PHF11: variants seen among roughly 807,000 people sequenced by gnomAD.
The protein encoded by PHF11 is PHD finger protein 11, also known as BRCA1 C-terminus-associated protein.
PHF11 carries 38 observed loss-of-function variants against 40.5 expected under a neutral mutation model. The observed-to-expected ratio is 0.94, with a 90% CI of 0.72 to 1.23. The LOEUF is 1.23. PHF11 is among the 50% of genes most tolerant of loss of function. The pLI is 0.00. For synonymous variants in PHF11, 127 were observed against 138.2 expected, an observed-to-expected ratio of 0.92 and a Z score of 0.57; for missense variants, 369 against 392.4, an observed-to-expected ratio of 0.94 and a Z score of 0.50.
chr13:49,498,763 C>T (rs187203045), intron 1 of PHF11, among the ~76,000 whole-genome samples: 2 of 152,278 alleles, frequency 1.3e-5, no homozygotes, highest in African/African-American at 2.4e-5. Flanking sequence ...GTGAAAGACC[C>T]TGAGGGTAAG....
chr13:49,511,663 G>A (rs1232725808), intron 2 of PHF11, among the ~76,000 whole-genome samples: 1 of 152,106 alleles, frequency 6.6e-6, no homozygotes, highest in Non-Finnish European at 1.5e-5. Context: ...TATAGAACTT[G>A]GGGTTAGGCA....
In PHF11 at chr13:49,524,149, T is replaced by C; in HGVS notation, c.702T>C (p.Leu234=). The change falls in exon 8 of 10, where the codon CTT becomes CTC. Residue 234 remains leucine, a synonymous_variant. Transcript: ENST00000378319. ...CKEAGLLNYL[L]EEILDKVHSI... is the part of the protein sequence containing the mutation. Reference sequence around the variant, plus strand: ...AAGCAGGACTTCTTAATTACTTACTTGAAGAAATATTAGACAAAGTTCATT... The same window carrying C: ...AAGCAGGACTTCTTAATTACTTACTCGAAGAAATATTAGACAAAGTTCATT... 1 of 1,606,276 alleles carries C rather than the reference T, an allele frequency of 6.2e-7. No individual in the cohort carries two copies. The highest frequency in any genetic ancestry group is 8.5e-7 in the Non-Finnish European group (1 of 1,173,506).
intron 1 of PHF11, among the ~76,000 whole-genome samples, chr13:49,502,554 A>G (rs2139032607): frequency 6.6e-6 from 1 of 152,230 alleles, no homozygotes; most frequent in Non-Finnish European, 1.5e-5. Flanking sequence ...AATTCAACAG[A>G]AAAATGGGCT....
intron 2 of PHF11, among the ~76,000 whole-genome samples, chr13:49,510,405 T>C (rs775582531): frequency 5.7e-4 from 87 of 152,234 alleles, no homozygotes; most frequent in Admixed American, 1.4e-3. Context: ...CATTTTATTC[T>C]GTTAGTAATG....
chr13:49,497,835 C>T (rs1418109355), intron 1 of PHF11, among the ~76,000 whole-genome samples: 1 of 152,162 alleles, frequency 6.6e-6, no homozygotes, highest in East Asian at 1.9e-4. Context: ...CAAAGCTGTC[C>T]CTGCCTCAGG....
rs370381942 is a variant in PHF11 at position 49,526,472 on chromosome 13, A to G, written c.841+14A>G. On this transcript the variant is annotated intron_variant, in intron 9 of 9. Transcript: ENST00000378319. ...ATTTTCAAGCAGGTATATGAGTTAT[A>G]TAACATCTGAGCAGCATAGTTTTGA... 2.8e-5 allele frequency: 39 copies of G among 1,405,834 alleles called. No homozygotes were observed. Among genetic ancestry groups the G allele is most frequent in the Non-Finnish European group, 3.3e-5 (33 of 991,554 alleles). 87.1% of individuals were successfully genotyped at this position (1,405,834 alleles called of 1,614,324 possible).
At chr13:49,505,019 T>C (rs538325855) in intron 1 of PHF11, among the ~76,000 whole-genome samples, 7 of 151,286 alleles carry the variant, frequency 4.6e-5, no homozygotes, top group Admixed American at 4.6e-4. Context: ...GAAGGCAGCA[T>C]GCTCGTTAAG....
intron 5 of PHF11, chr13:49,521,824 C>A: frequency 6.4e-6 from 2 of 311,868 alleles, no homozygotes; most frequent in South Asian, 5.8e-5. Context: ...TCCCCATGTG[C>A]CAATTTTTCT....
intron 1 of PHF11, among the ~76,000 whole-genome samples, chr13:49,499,968 G>A (rs111732208): frequency 0.019 from 2,962 of 152,298 alleles, 83 homozygotes; most frequent in African/African-American, 0.068. Flanking sequence ...TGCCCTGGGT[G>A]GATTACCCTT....
chr13:49,520,607 G>T (rs142030562), intron 4 of PHF11, among the ~76,000 whole-genome samples: 1 of 152,230 alleles, frequency 6.6e-6, no homozygotes, highest in African/African-American at 2.4e-5. Flanking sequence ...AAATCTCACT[G>T]ACCACTGTAT....
At chr13:49,503,802 A>G (rs1167943730) in intron 1 of PHF11, among the ~76,000 whole-genome samples, 2 of 151,894 alleles carry the variant, frequency 1.3e-5, no homozygotes, top group Middle Eastern at 3.2e-3. Context: ...GCACAATTTC[A>G]GCTCACTGCA....
intron 9 of PHF11, among the ~76,000 whole-genome samples, chr13:49,527,777 T>C (rs578190355): frequency 2.0e-5 from 3 of 152,048 alleles, no homozygotes; most frequent in African/African-American, 7.2e-5. Context: ...TATAGTGTAG[T>C]ATGGCGGGGG....
chr13:49,499,005 A>G (rs1958864396), intron 1 of PHF11, among the ~76,000 whole-genome samples: 1 of 152,230 alleles, frequency 6.6e-6, no homozygotes, highest in Non-Finnish European at 1.5e-5. Context: ...CCCCCAGAGC[A>G]TGGATACTTT....
intron 1 of PHF11, among the ~76,000 whole-genome samples, chr13:49,504,481 C>T (rs1006391483): frequency 5.5e-5 from 8 of 144,564 alleles, no homozygotes; most frequent in Non-Finnish European, 1.1e-4. Flanking sequence ...CCCAGCCCCC[C>T]GCCCGGCCAG....
chr13:49,514,609 T>A (rs920669819), intron 3 of PHF11, among the ~76,000 whole-genome samples: 1 of 151,690 alleles, frequency 6.6e-6, no homozygotes, highest in African/African-American at 2.4e-5. Flanking sequence ...GAAAAAAAAA[T>A]TAGCCCGACA....
Position 49,496,104 on chromosome 13 carries a change from CG to C in PHF11, c.94+10del. On this transcript the variant is annotated intron_variant, in intron 1 of 9. Coordinates refer to ENST00000378319, the MANE Select transcript of PHF11 (RefSeq NM_001040443.3). ...GCTCCTCCTTCCCACCGGTGTGTAC[CG>C]CGGGGGCGGGCGGGCGGGCGGGCGG... is the stretch of plus-strand genomic sequence containing the variant. 2 of 417,460 alleles carry C rather than the reference CG, an allele frequency of 4.8e-6. No individual in the cohort carries two copies. The highest frequency in any genetic ancestry group is 6.7e-6 in the Non-Finnish European group (2 of 299,746). 25.9% of individuals were successfully genotyped at this position (417,460 alleles called of 1,614,324 possible).
chr13:49,524,167 A>C lies in PHF11; in HGVS notation c.720A>C (p.Lys240Asn). The C allele has an allele frequency of 6.2e-7, 1 of 1,608,804 alleles. No individual in the cohort carries two copies. The highest frequency in any genetic ancestry group is 1.3e-5 in the African/African-American group (1 of 74,888). Residue 240 changes from lysine to asparagine, a missense_variant, in exon 8 of 10, where the codon AAA (lysine) becomes AAC (asparagine). By Grantham distance (94) the Lys-to-Asn change is moderately conservative (BLOSUM62 0). Coordinates refer to ENST00000378319, the MANE Select transcript of PHF11 (RefSeq NM_001040443.3). ...LNYLLEEILD[K>N]VHSIPEKLMD... ...ACTTACTTGAAGAAATATTAGACAA[A>C]GTTCATTCAATTCCAGAAAAACTCA... is the stretch of plus-strand genomic sequence containing the variant.
chr13:49,496,225 C>T, intron 1 of PHF11, 130 bp downstream of exon 1: 1 of 664,932 alleles, frequency 1.5e-6, no homozygotes, highest in Non-Finnish European at 2.1e-6. Context: ...GGGCCCTAGA[C>T]GCCGGGGCGG....
At chr13:49,524,699 C>T (rs1022615262) in intron 8 of PHF11, among the ~76,000 whole-genome samples, 6 of 152,136 alleles carry the variant, frequency 3.9e-5, no homozygotes, top group African/African-American at 7.2e-5. Context: ...TGGTCTTGAA[C>T]TCCTGACCTC....
Sources: allele counts gnomAD v4.1 joint callset (sites outside exome capture counted in the v4.1 genomes callset), GRCh38; gene constraint gnomAD v4.1.1; transcripts MANE v1.5; gene names NCBI Gene and HGNC (gene_info 2026-07-23, HGNC 2026-07-21).